Variants in PLCB1 observed in about 807,000 individuals in gnomAD.
PLCB1 encodes the protein 1-phosphatidylinositol 4,5-bisphosphate phosphodiesterase beta-1.
A neutral mutation model predicts 161.8 loss-of-function variants in PLCB1; 46 were observed. That is an observed-to-expected ratio of 0.28 (90% CI 0.22 to 0.36). The LOEUF (loss-of-function observed/expected upper bound fraction) is 0.36. PLCB1 is among the 10% of genes least tolerant of loss of function. PLCB1 has a pLI of 1.00. For missense variants in PLCB1, 1,016 were observed against 1,472.5 expected (o/e 0.69, Z 5.07); for synonymous variants, 517 against 503.7 (o/e 1.03, Z -0.35).
At chr20:8,213,080 C>G (rs1031187762) in intron 2 of PLCB1, among the ~76,000 whole-genome samples, 1 of 152,128 alleles carries the variant, frequency 6.6e-6, no homozygotes, top group African/African-American at 2.4e-5. Context: ...GTCTTCACAA[C>G]TCTATTGTCT....
At chr20:8,661,415 G>A (rs1303871768) in intron 9 of PLCB1, among the ~76,000 whole-genome samples, 2 of 152,080 alleles carry the variant, frequency 1.3e-5, no homozygotes, top group Non-Finnish European at 2.9e-5. Flanking sequence ...CTAGAATATG[G>A]CTAAAGGGCC....
intron 2 of PLCB1, chr20:8,371,092 G>C (rs1986888899): frequency 3.0e-6 from 1 of 329,660 alleles, no homozygotes; most frequent in Non-Finnish European, 5.6e-6. Flanking sequence ...TCAAAAGTAA[G>C]AACAAGAAGA....
chr20:8,428,801 C>T (rs1334716902), intron 3 of PLCB1, among the ~76,000 whole-genome samples: 2 of 152,120 alleles, frequency 1.3e-5, no homozygotes, highest in Admixed American at 6.6e-5. Context: ...TGATGGAGAA[C>T]GTAGTGTCAG....
Position 8,189,276 on chromosome 20 carries a change from A to G in PLCB1, c.177+38905A>G, listed in dbSNP as rs2051940025. 2.0e-5 allele frequency among the ~76,000 whole-genome samples: 3 copies of G among 151,106 alleles called. 1 individual carries two copies. The South Asian group carries it at 6.2e-4, about 31-fold the overall frequency. On this transcript the variant is annotated intron_variant, in intron 2 of 31. Transcript: ENST00000338037. ...TTGGAGAGTTGGGGGATGGGTAACT[A>G]TGTGAGATAGTGGATATGATAATTT...
chr20:8,283,726 A>G (rs1446157530), intron 2 of PLCB1, among the ~76,000 whole-genome samples: 1 of 152,044 alleles, frequency 6.6e-6, no homozygotes, highest in African/African-American at 2.4e-5. Context: ...TCACTGCATC[A>G]AATATTTCTC....
chr20:8,724,905 A>T lies in PLCB1; in HGVS notation c.1678+153A>T, dbSNP rs2327097. On this transcript the variant is annotated intron_variant, in intron 16 of 31. Transcript: ENST00000338037. Reference sequence around the variant, plus strand: ...TACATTTTGACTGCCTTGTTACTTTACACATATAATAAATATGCATGTATT... The same window carrying T: ...TACATTTTGACTGCCTTGTTACTTTTCACATATAATAAATATGCATGTATT... Among the ~76,000 whole-genome samples, 101,652 of 152,016 alleles carry T rather than the reference A, an allele frequency of 0.67. 36,104 individuals carry two copies. The highest frequency in any genetic ancestry group is 0.8 in the South Asian group (3,880 of 4,822).
intron 3 of PLCB1, among the ~76,000 whole-genome samples, chr20:8,397,139 T>C (rs965977206): frequency 2.0e-5 from 3 of 152,092 alleles, no homozygotes; most frequent in African/African-American, 7.2e-5. Flanking sequence ...TTTGATTCCT[T>C]ACTGCATTAA....
intron 2 of PLCB1, among the ~76,000 whole-genome samples, chr20:8,170,063 T>C (rs2051718073): frequency 6.6e-6 from 1 of 152,194 alleles, no homozygotes; most frequent in Non-Finnish European, 1.5e-5. Context: ...TTCCTCCTGC[T>C]GGTCAGTGTC....
chr20:8,725,626 A>C (rs1440807712), intron 16 of PLCB1, among the ~76,000 whole-genome samples: 1 of 152,150 alleles, frequency 6.6e-6, no homozygotes, highest in Non-Finnish European at 1.5e-5. Flanking sequence ...GTTTATATAT[A>C]ATGATTTCTC....
chr20:8,300,731 C>T (rs961991748), intron 2 of PLCB1, among the ~76,000 whole-genome samples: 2 of 152,106 alleles, frequency 1.3e-5, no homozygotes, highest in Non-Finnish European at 2.9e-5. Flanking sequence ...GAGAAAGGAG[C>T]TCCCTTTTGT....
At chr20:8,595,787 G>A (rs1214344700) in intron 3 of PLCB1, among the ~76,000 whole-genome samples, 1 of 144,362 alleles carries the variant, frequency 6.9e-6, no homozygotes, top group Admixed American at 7.0e-5. Context: ...TTTAATGATT[G>A]CCATTCTAAC....
At chr20:8,432,449 G>A (rs1980091139) in intron 3 of PLCB1, among the ~76,000 whole-genome samples, 1 of 152,000 alleles carries the variant, frequency 6.6e-6, no homozygotes, top group Admixed American at 6.6e-5. Context: ...TATTCTATCC[G>A]AGCCCCACCC....
At chr20:8,742,777 T>C (rs577390279) in intron 23 of PLCB1, among the ~76,000 whole-genome samples, 8 of 152,336 alleles carry the variant, frequency 5.3e-5, no homozygotes, top group African/African-American at 1.9e-4. Context: ...AATTACTAAG[T>C]CCCCAATTAT....
intron 9 of PLCB1, among the ~76,000 whole-genome samples, chr20:8,661,821 GT>G (rs1989631396): frequency 6.7e-6 from 1 of 148,896 alleles, no homozygotes; most frequent in Non-Finnish European, 1.5e-5. Flanking sequence ...GCCAACCTAC[GT>G]TAAGTAATTC....
chr20:8,427,016 A>T (rs879281248), intron 3 of PLCB1, among the ~76,000 whole-genome samples: 1 of 152,026 alleles, frequency 6.6e-6, no homozygotes, highest in Non-Finnish European at 1.5e-5. Context: ...AGCTCAAGGG[A>T]TTCTCTGACC....
intron 3 of PLCB1, among the ~76,000 whole-genome samples, chr20:8,482,311 G>A (rs577237537): frequency 3.3e-5 from 5 of 151,798 alleles, no homozygotes; most frequent in Admixed American, 6.6e-5. Flanking sequence ...ACCACGTTGG[G>A]CAGGATGGTC....
chr20:8,861,728 C>CAAAAAA (rs35862889), intron 31 of PLCB1, among the ~76,000 whole-genome samples: 1 of 108,194 alleles, frequency 9.2e-6, no homozygotes, highest in African/African-American at 3.6e-5. Flanking sequence ...GACTCTACCT[C>CAAAAAA]AAAAAAAAAA....
chr20:8,288,307 G>T (rs2745769), intron 2 of PLCB1, among the ~76,000 whole-genome samples: 75,656 of 152,012 alleles, frequency 0.5, 21,065 homozygotes, highest in African/African-American at 0.75. Context: ...TGCCCTGGGA[G>T]GCTGTCAAAG....
At chr20:8,807,279 C>T (rs1384087683) in intron 31 of PLCB1, among the ~76,000 whole-genome samples, 2 of 152,118 alleles carry the variant, frequency 1.3e-5, no homozygotes, top group Admixed American at 6.5e-5. Context: ...CACAGGGTCA[C>T]TTATAGAACG....
Sources: gnomAD v4.1 joint callset for allele counts (sites outside exome capture counted in the v4.1 genomes callset) on GRCh38, gnomAD v4.1.1 for gene constraint, MANE v1.5 for transcripts, NCBI Gene and HGNC (gene_info 2026-07-23, HGNC 2026-07-21) for gene names.